The following RAB6A variants were observed in gnomAD, a reference collection of about 807,000 sequenced individuals.
RAB6A encodes the protein ras-related protein Rab-6A.
In RAB6A, 8 loss-of-function variants were observed where a neutral mutation model predicts 32.3. The ratio of observed to expected loss-of-function variants is 0.25; its 90% CI spans 0.15 to 0.45. The LOEUF (loss-of-function observed/expected upper bound fraction) is 0.45. Ranked by LOEUF, RAB6A falls within the 20% of genes least tolerant of loss-of-function variation. RAB6A has a pLI of 1.00. For missense variants in RAB6A, 104 were observed against 249.4 expected (o/e 0.42, Z 3.93); for synonymous variants, 73 against 82.1 (o/e 0.89, Z 0.60).
chr11:73,750,648 T>C (rs957228636), intron 1 of RAB6A, among the ~76,000 whole-genome samples: 18 of 152,140 alleles, frequency 1.2e-4, no homozygotes, highest in African/African-American at 4.1e-4. Context: ...TGAGCCCCCA[T>C]ACCAGGCCAA....
At chr11:73,697,378 T>C (rs1344315686) in intron 6 of RAB6A, among the ~76,000 whole-genome samples, 1 of 152,108 alleles carries the variant, frequency 6.6e-6, no homozygotes, top group East Asian at 1.9e-4. Flanking sequence ...TCTCCCAGAC[T>C]GGAGTGCAGT....
intron 5 of RAB6A, among the ~76,000 whole-genome samples, chr11:73,709,962 T>TATATATATA (rs113487024): frequency 4.5e-5 from 6 of 132,778 alleles, no homozygotes; most frequent in East Asian, 2.1e-4. Flanking sequence ...TATATATATA[T>TATATATATA]TTTTTTTTTT....
chr11:73,740,749 G>A lies in RAB6A; in HGVS notation c.71-9926C>T, dbSNP rs1355512898. 3.9e-5 allele frequency among the ~76,000 whole-genome samples: 6 copies of A among 152,142 alleles called. No individual in the cohort carries two copies. In the South Asian group the frequency reaches 6.2e-4, roughly 16 times the overall value. ...ACTAAAAATACAAAATTGGCCAGGC[G>A]TGATGGCATGCGCCTGTAATCCAGC... On this transcript the variant is annotated intron_variant, in intron 1 of 7. Coordinates refer to ENST00000336083, the MANE Select transcript of RAB6A (RefSeq NM_198896.2).
intron 6 of RAB6A, among the ~76,000 whole-genome samples, chr11:73,680,772 C>T (rs952870383): frequency 1.3e-5 from 2 of 152,196 alleles, no homozygotes; most frequent in African/African-American, 4.8e-5. Flanking sequence ...GAGATTAATA[C>T]ACCACCCCTC....
At chr11:73,683,248 C>T (rs574496976) in intron 6 of RAB6A, among the ~76,000 whole-genome samples, 18 of 129,800 alleles carry the variant, frequency 1.4e-4, no homozygotes, top group Admixed American at 6.8e-4. Context: ...GATATAGACC[C>T]ATCTTTTTTT....
chr11:73,737,181 CAAG>C (rs1401471618), intron 1 of RAB6A, among the ~76,000 whole-genome samples: 2 of 152,006 alleles, frequency 1.3e-5, no homozygotes, highest in East Asian at 3.9e-4. Flanking sequence ...CCCAGAGGTT[CAAG>C]AAGAACTCAC....
At chr11:73,686,201 C>T (rs1565345725) in intron 6 of RAB6A, among the ~76,000 whole-genome samples, 1 of 152,170 alleles carries the variant, frequency 6.6e-6, no homozygotes, top group East Asian at 1.9e-4. Context: ...TTGCTTCTGA[C>T]ATGAAATATT....
intron 5 of RAB6A, among the ~76,000 whole-genome samples, chr11:73,711,756 T>TA (rs1163592201): frequency 6.6e-6 from 1 of 152,158 alleles, no homozygotes; most frequent in East Asian, 1.9e-4. Context: ...TTTATGAGAG[T>TA]AACTGTTTTC....
intron 1 of RAB6A, among the ~76,000 whole-genome samples, chr11:73,743,519 C>A (rs1946533915): frequency 6.6e-6 from 1 of 151,786 alleles, no homozygotes; most frequent in African/African-American, 2.4e-5. Context: ...CCCAACTACT[C>A]AAGAGTATCA....
At position 73,726,581 on chromosome 11, in the gene RAB6A, CAAAAAAAAAAAA is replaced by C. The variant is rs60281561; in HGVS notation, c.129+4172_129+4183del. Among the ~76,000 whole-genome samples the C allele has an allele frequency of 5.7e-4, 17 of 29,862 alleles. 1 individual carries two copies. Among genetic ancestry groups the C allele is most frequent in the East Asian group, 4.9e-3 (4 of 820 alleles). The allele number at this position is 29,862 out of a possible 152,430, so 19.6% of individuals were successfully genotyped here. A position where few individuals can be genotyped will look rare whatever the true frequency, so the allele number is the denominator to read the frequency against. Reference sequence around the variant, plus strand: ...TGGGTGACAGAGTGAGACTCTGTCTCAAAAAAAAAAAAAAAAAAAAAAAAAGGCATAGTGGTG... The same window carrying C: ...TGGGTGACAGAGTGAGACTCTGTCTCAAAAAAAAAAAAAGGCATAGTGGTG... On this transcript the variant is annotated intron_variant, in intron 2 of 7. Transcript: ENST00000336083.
At chr11:73,683,154 A>G (rs558745281) in intron 6 of RAB6A, among the ~76,000 whole-genome samples, 7 of 152,314 alleles carry the variant, frequency 4.6e-5, no homozygotes, top group African/African-American at 1.7e-4. Context: ...CTAGTACCTG[A>G]CAATGTGACA....
intron 1 of RAB6A, among the ~76,000 whole-genome samples, chr11:73,737,652 A>G (rs1379179496): frequency 3.9e-5 from 6 of 152,196 alleles, no homozygotes; most frequent in Non-Finnish European, 8.8e-5. Context: ...CTTCAAAACA[A>G]ATGAACCTTG....
At chr11:73,753,925 C>A (rs539041779) in intron 1 of RAB6A, among the ~76,000 whole-genome samples, 2 of 152,312 alleles carry the variant, frequency 1.3e-5, no homozygotes, top group East Asian at 1.9e-4. Flanking sequence ...ACCAAACCAC[C>A]TGACACTGTA....
intron 2 of RAB6A, among the ~76,000 whole-genome samples, chr11:73,724,635 C>T (rs528326238): frequency 2.6e-5 from 4 of 152,074 alleles, no homozygotes; most frequent in South Asian, 4.2e-4. Context: ...TACAGGCGCC[C>T]GACACCAGGC....
chr11:73,757,129 ATT>A (rs869261713), intron 1 of RAB6A, among the ~76,000 whole-genome samples: 83 of 30,128 alleles, frequency 2.8e-3, no homozygotes, highest in Admixed American at 4.5e-3. Flanking sequence ...ATATATATAT[ATT>A]TTTTTTTTTT....
chr11:73,703,907 G>A (rs1222525713), intron 6 of RAB6A, among the ~76,000 whole-genome samples: 1 of 150,016 alleles, frequency 6.7e-6, no homozygotes, highest in Non-Finnish European at 1.5e-5. Context: ...GCATGCGCCT[G>A]TAGTCCCAGC....
At chr11:73,714,056 G>T (rs1410796785) in intron 5 of RAB6A, among the ~76,000 whole-genome samples, 1 of 151,322 alleles carries the variant, frequency 6.6e-6, no homozygotes, top group Non-Finnish European at 1.5e-5. Flanking sequence ...GCCAGATGTG[G>T]TGGCAAGCTC....
chr11:73,735,726 G>A (rs1046640302), intron 1 of RAB6A, among the ~76,000 whole-genome samples: 1 of 151,680 alleles, frequency 6.6e-6, no homozygotes, highest in Non-Finnish European at 1.5e-5. Context: ...ACTTATATAC[G>A]AGATTACCTA....
chr11:73,693,605 G>A (rs1359793602), intron 6 of RAB6A, among the ~76,000 whole-genome samples: 3 of 149,800 alleles, frequency 2.0e-5, no homozygotes, highest in Admixed American at 1.3e-4. Flanking sequence ...AAAGCGACAG[G>A]CTGGGCGCTG....
Sources: gnomAD v4.1 joint callset for allele counts (sites outside exome capture counted in the v4.1 genomes callset) on GRCh38, gnomAD v4.1.1 for gene constraint, MANE v1.5 for transcripts, NCBI Gene and HGNC (gene_info 2026-07-23, HGNC 2026-07-21) for gene names.